Variants in GRIK1 observed in about 807,000 individuals in gnomAD.
GRIK1 encodes the protein glutamate ionotropic receptor kainate type subunit 1.
Under a neutral mutation model 105.7 loss-of-function variants are expected in GRIK1, and 69 were observed. The observed-to-expected ratio is 0.65, with a 90% CI of 0.54 to 0.80. GRIK1 has a LOEUF of 0.80. Ranked by LOEUF, GRIK1 falls within the 30% of genes least tolerant of loss-of-function variation. The pLI is 0.00. For synonymous variants in GRIK1, 438 were observed against 431.3 expected (o/e 1.02, Z -0.19); for missense variants, 1,109 against 1,167.3 (o/e 0.95, Z 0.73).
chr21:29,699,991 T>C (rs1435151055), intron 1 of GRIK1, among the ~76,000 whole-genome samples: 1 of 152,068 alleles, frequency 6.6e-6, no homozygotes, highest in Non-Finnish European at 1.5e-5. Context: ...AAATTGAAAA[T>C]AATTTTAAAG....
At chr21:29,731,614 G>A (rs533160043) in intron 1 of GRIK1, among the ~76,000 whole-genome samples, 1 of 152,180 alleles carries the variant, frequency 6.6e-6, no homozygotes, top group South Asian at 2.1e-4. Flanking sequence ...TTTTTAAATC[G>A]GAAATGTGTA....
chr21:29,596,452 A>G (rs928914787), intron 9 of GRIK1, 74 bp downstream of exon 9: 4 of 969,608 alleles, frequency 4.1e-6, no homozygotes, highest in Non-Finnish European at 5.1e-6. Context: ...GTAACATTGG[A>G]AGGGCACAGG....
intron 4 of GRIK1, among the ~76,000 whole-genome samples, chr21:29,660,617 C>T (rs1168740984): frequency 1.3e-5 from 2 of 152,182 alleles, no homozygotes; most frequent in Non-Finnish European, 2.9e-5. Context: ...CAAAATGGAA[C>T]CTGGAGTGCT....
At chr21:29,572,422 C>T (rs2090773288) in intron 14 of GRIK1, among the ~76,000 whole-genome samples, 2 of 152,174 alleles carry the variant, frequency 1.3e-5, no homozygotes, top group Admixed American at 6.5e-5. Context: ...CTCCCTCCCT[C>T]TTTCCCTCTC....
At chr21:29,781,021 A>T (rs1273047605) in intron 1 of GRIK1, among the ~76,000 whole-genome samples, 1 of 152,288 alleles carries the variant, frequency 6.6e-6, no homozygotes, top group East Asian at 1.9e-4. Flanking sequence ...AATACAAAAG[A>T]AGTATTAAGA....
At chr21:29,593,072 A>G (rs2061355283) in intron 9 of GRIK1, among the ~76,000 whole-genome samples, 1 of 152,244 alleles carries the variant, frequency 6.6e-6, no homozygotes, top group African/African-American at 2.4e-5. Flanking sequence ...TTTTAGAGAC[A>G]TCAATGCTTT....
At chr21:29,765,878 A>G (rs925837747) in intron 1 of GRIK1, among the ~76,000 whole-genome samples, 5 of 150,636 alleles carry the variant, frequency 3.3e-5, no homozygotes, top group African/African-American at 7.3e-5. Flanking sequence ...TTGAGACAGA[A>G]TCTCGCTCTG....
At chr21:29,846,484 A>AGAAT (rs2068128167) in intron 1 of GRIK1, among the ~76,000 whole-genome samples, 1 of 149,596 alleles carries the variant, frequency 6.7e-6, no homozygotes, top group African/African-American at 2.4e-5. Flanking sequence ...AAAGAAAGAA[A>AGAAT]GAAAGAAAGA....
At position 29,560,492 on chromosome 21, in the gene GRIK1, TTTCTTTCCTTCCTTCC is replaced by T. The variant is rs1435453509; in HGVS notation, c.2356+1116_2356+1131del. Among the ~76,000 whole-genome samples, 18 of 45,986 alleles carry T rather than the reference TTTCTTTCCTTCCTTCC, an allele frequency of 3.9e-4. 1 individual carries two copies. In the East Asian group the frequency reaches 7.7e-3, roughly 20 times the overall value. The allele number at this position is 45,986 out of a possible 152,430, so 30.2% of individuals were successfully genotyped here. A position where few individuals can be genotyped will look rare whatever the true frequency, so the allele number is the denominator to read the frequency against. ...TCCTTTCTCTCTCTCCCTTTCTTTCTTTCTTTCCTTCCTTCCTTCCTTCCTTCCTTTCTTTCTTTCT... is the reference window on the plus strand; with the variant it reads ...TCCTTTCTCTCTCTCCCTTTCTTTCTTTCCTTCCTTCCTTTCTTTCTTTCT... On this transcript the variant is annotated intron_variant, in intron 15 of 17. Transcript: ENST00000327783.
At chr21:29,795,093 TGGTGCAATCTTGGCTCA>T (rs2066522360) in intron 1 of GRIK1, among the ~76,000 whole-genome samples, 1 of 135,348 alleles carries the variant, frequency 7.4e-6, no homozygotes, top group South Asian at 2.5e-4. Context: ...TGGAGTGCAG[TGGTGCAATCTTGGCTCA>T]CTGCAACCTC....
intron 1 of GRIK1, among the ~76,000 whole-genome samples, chr21:29,844,018 G>A (rs2068047723): frequency 6.6e-6 from 1 of 152,190 alleles, no homozygotes; most frequent in Non-Finnish European, 1.5e-5. Flanking sequence ...TTTCTGACAG[G>A]AGAGTGACAG....
chr21:29,874,601 G>T (rs2069128425), intron 1 of GRIK1, among the ~76,000 whole-genome samples: 2 of 152,180 alleles, frequency 1.3e-5, no homozygotes, highest in Admixed American at 6.5e-5. Flanking sequence ...GACCCGTACT[G>T]GTTTATGGCC....
chr21:29,930,336 AG>A (rs1193983826), intron 1 of GRIK1, among the ~76,000 whole-genome samples: 2 of 152,212 alleles, frequency 1.3e-5, no homozygotes, highest in Admixed American at 1.3e-4. Context: ...GGATTACTAA[AG>A]TATGTAATCC....
chr21:29,608,281 A>G (rs1231907874), intron 7 of GRIK1, among the ~76,000 whole-genome samples: 1 of 152,154 alleles, frequency 6.6e-6, no homozygotes, highest in Non-Finnish European at 1.5e-5. Context: ...TTGTTTACAA[A>G]GTGAAAAGAA....
At chr21:29,796,257 T>A (rs530835550) in intron 1 of GRIK1, among the ~76,000 whole-genome samples, 14 of 152,276 alleles carry the variant, frequency 9.2e-5, no homozygotes, top group African/African-American at 3.4e-4. Flanking sequence ...CTCTTAGTCT[T>A]CATTCTATCC....
intron 7 of GRIK1, among the ~76,000 whole-genome samples, chr21:29,626,645 C>G (rs1268451274): frequency 6.6e-6 from 1 of 152,122 alleles, no homozygotes; most frequent in East Asian, 1.9e-4. Flanking sequence ...TTTGACAATT[C>G]TCTCTCTAGT....
chr21:29,553,371 C>T, intron 16 of GRIK1: 1 of 1,231,218 alleles, frequency 8.1e-7, no homozygotes, highest in Non-Finnish European at 1.0e-6. Context: ...TATGCCCCTG[C>T]TTCAACATAC....
intron 16 of GRIK1, among the ~76,000 whole-genome samples, chr21:29,549,008 G>GATGC (rs2090088309): frequency 6.6e-6 from 1 of 152,108 alleles, no homozygotes; most frequent in African/African-American, 2.4e-5. Context: ...CATTGCTGTT[G>GATGC]ATGCATTTGT....
At chr21:29,598,573 T>C (rs1231888878) in intron 8 of GRIK1, among the ~76,000 whole-genome samples, 1 of 152,186 alleles carries the variant, frequency 6.6e-6, no homozygotes, top group Non-Finnish European at 1.5e-5. Context: ...ATATATGTAA[T>C]AATATAATCA....
Sources: gnomAD v4.1 joint callset for allele counts (sites outside exome capture counted in the v4.1 genomes callset) on GRCh38, gnomAD v4.1.1 for gene constraint, MANE v1.5 for transcripts, NCBI Gene and HGNC (gene_info 2026-07-23, HGNC 2026-07-21) for gene names.